The following BICRA variants were observed in gnomAD, a reference collection of about 807,000 sequenced individuals.
BICRA encodes BRD4-interacting chromatin-remodeling complex-associated protein.
Under a neutral mutation model 96.9 loss-of-function variants are expected in BICRA, and 31 were observed. The observed-to-expected ratio is 0.32, with a 90% confidence interval of 0.24 to 0.43. BICRA has a LOEUF of 0.43. BICRA is among the 20% of genes least tolerant of loss of function. The pLI is 1.00. For missense variants in BICRA, 2,283 were observed against 2,190.3 expected, an observed-to-expected ratio of 1.04 and a Z score of -0.84; for synonymous variants, 1,350 against 1,071.8, an observed-to-expected ratio of 1.26 and a Z score of -5.07.
chr19:47,692,449 C>T (rs150144404), intron 7 of BICRA, among the ~76,000 whole-genome samples: 26 of 152,168 alleles, frequency 1.7e-4, no homozygotes, highest in African/African-American at 4.8e-4. Context: ...AGGCTGGTCT[C>T]GAACTCCTGA....
chr19:47,630,869 G>C (rs568980782), intron 1 of BICRA, among the ~76,000 whole-genome samples: 13 of 152,252 alleles, frequency 8.5e-5, no homozygotes, highest in Non-Finnish European at 1.2e-4. Context: ...TGCAGTGCAC[G>C]TGGTTCCAGT....
chr19:47,701,882 C>T lies in BICRA; in HGVS notation c.4150C>T (p.Arg1384Cys), dbSNP rs1173345186. 18 of 1,468,394 alleles carry T rather than the reference C, an allele frequency of 1.2e-5. 1 individual carries two copies. The Middle Eastern group carries it at 5.8e-4, about 47-fold the overall frequency. The allele number at this position is 1,468,394 out of a possible 1,614,324, so 91.0% of individuals were successfully genotyped here. A position where few individuals can be genotyped will look rare whatever the true frequency, so the allele number is the denominator to read the frequency against. The change falls in exon 15 of 15, where the codon CGC becomes TGC. Residue 1384 changes from arginine to cysteine, a missense_variant. Coordinates refer to ENST00000594866, the MANE Select transcript of BICRA (RefSeq NM_001394372.1). This position sits in a 1 kb window ranked among gnomAD's most constrained non-coding sequence, Gnocchi z 5.4. ...CCTGGGCACCGCCCCGCACTGCCCG[C>T]GCCTGCCACTGCGCAAGACCTACCG... ...KPLGTAPHCP[R>C]LPLRKTYREN... is the part of the protein sequence containing the mutation.
At chr19:47,666,568 C>G (rs182481448) in intron 1 of BICRA, among the ~76,000 whole-genome samples, 71 of 151,188 alleles carry the variant, frequency 4.7e-4, no homozygotes, top group Non-Finnish European at 7.2e-4. Context: ...TGAGCCACCA[C>G]GCCCGGCCTT....
Position 47,696,446 on chromosome 19 carries a change from C to A in BICRA, c.3187-5C>A. ...AAGGCCTCTCACTCGCCTTTCTTCT[C>A]CCAGTATGAGAGCAAACTGAGTGGC... On this transcript the variant is annotated splice_region_variant and splice_polypyrimidine_tract_variant and intron_variant, in intron 10 of 14. Coordinates refer to ENST00000594866, the MANE Select transcript of BICRA (RefSeq NM_001394372.1). 1 of 1,593,510 alleles carries A rather than the reference C, an allele frequency of 6.3e-7. No homozygotes were observed. The highest frequency in any genetic ancestry group is 1.1e-5 in the South Asian group (1 of 87,496).
At chr19:47,636,472 G>A (rs938296941) in intron 1 of BICRA, among the ~76,000 whole-genome samples, 1 of 152,108 alleles carries the variant, frequency 6.6e-6, no homozygotes, top group African/African-American at 2.4e-5. Flanking sequence ...GCCTCCCAAG[G>A]TGGTACTGGG....
chr19:47,672,092 G>T, intron 2 of BICRA, among the ~76,000 whole-genome samples: 1 of 141,460 alleles, frequency 7.1e-6, no homozygotes, highest in East Asian at 2.3e-4. Flanking sequence ...TGGAGGGATC[G>T]GTAGGTAGAT....
rs188975984 is a variant in BICRA, at chr19:47,689,074, G to A, written c.2284-5041G>A. On this transcript the variant is annotated intron_variant, in intron 7 of 14. Coordinates refer to ENST00000594866, the MANE Select transcript of BICRA (RefSeq NM_001394372.1). ...ACTCCTGACCTCAAGTGATCCACCC[G>A]CCTTGGCATCCCAAAGTGCTGGGAT... 2.4e-4 allele frequency among the ~76,000 whole-genome samples: 37 copies of A among 152,050 alleles called. 1 individual carries two copies. The East Asian group carries it at 5.3e-3, about 22-fold the overall frequency.
intron 1 of BICRA, among the ~76,000 whole-genome samples, chr19:47,610,361 G>T (rs914325313): frequency 6.6e-6 from 1 of 152,224 alleles, no homozygotes; most frequent in Admixed American, 6.5e-5. Context: ...AAGGAGCCGC[G>T]GGAGAGCTAG....
chr19:47,619,023 C>T (rs1972023436), intron 1 of BICRA, among the ~76,000 whole-genome samples: 1 of 152,166 alleles, frequency 6.6e-6, no homozygotes, highest in Admixed American at 6.5e-5. Context: ...TCATTGACCT[C>T]AGACACTTGG....
Position 47,671,521 on chromosome 19 carries a change from C to T in BICRA, c.-6+977C>T, listed in dbSNP as rs377359352. Among the ~76,000 whole-genome samples the T allele has an allele frequency of 1.8e-4, 28 of 151,902 alleles. 1 individual carries two copies. In the East Asian group the frequency reaches 2.9e-3, roughly 16 times the overall value. ...TATTGTATGTGTCATTGGGAGGAGA[C>T]GGGAGCAGAGGGTGCAGGAAGTAAT... On this transcript the variant is annotated intron_variant, in intron 2 of 14. Coordinates refer to ENST00000594866, the MANE Select transcript of BICRA (RefSeq NM_001394372.1).
chr19:47,686,389 G>C (rs536194942), intron 7 of BICRA, among the ~76,000 whole-genome samples: 228 of 151,474 alleles, frequency 1.5e-3, no homozygotes, highest in Middle Eastern at 3.4e-3. Flanking sequence ...GTTTTTTCTG[G>C]GGTTAGCGGG....
chr19:47,617,835 T>A (rs1483478846), intron 1 of BICRA, among the ~76,000 whole-genome samples: 1 of 152,112 alleles, frequency 6.6e-6, no homozygotes, highest in East Asian at 1.9e-4. Flanking sequence ...TGCCAAGGTA[T>A]TTTAAAGCAA....
At chr19:47,647,865 G>A (rs185989147) in intron 1 of BICRA, among the ~76,000 whole-genome samples, 1 of 150,958 alleles carries the variant, frequency 6.6e-6, no homozygotes, top group African/African-American at 2.4e-5. Context: ...TTGGGCTTGA[G>A]TGTCTAGATA....
intron 1 of BICRA, among the ~76,000 whole-genome samples, chr19:47,631,660 C>T (rs888964629): frequency 2.6e-5 from 4 of 152,066 alleles, no homozygotes; most frequent in African/African-American, 4.8e-5. Flanking sequence ...CCACCGCACT[C>T]GGCCGATTTA....
At chr19:47,643,458 G>T (rs1176255187) in intron 1 of BICRA, among the ~76,000 whole-genome samples, 2 of 152,140 alleles carry the variant, frequency 1.3e-5, no homozygotes, top group Admixed American at 6.5e-5. Flanking sequence ...CTGTCACCTG[G>T]GACACTGGCA....
At chr19:47,665,729 A>G (rs575480557) in intron 1 of BICRA, among the ~76,000 whole-genome samples, 2 of 152,276 alleles carry the variant, frequency 1.3e-5, no homozygotes, top group African/African-American at 4.8e-5. Context: ...TGGCCTGGTG[A>G]GGGTGCACAC....
At chr19:47,678,324 C>G (rs1409266435) in intron 5 of BICRA, among the ~76,000 whole-genome samples, 4 of 152,168 alleles carry the variant, frequency 2.6e-5, no homozygotes, top group Non-Finnish European at 5.9e-5. Context: ...CCATGTTGGT[C>G]AGGCAGGTCT....
At chr19:47,689,263 GA>G (rs1234828371) in intron 7 of BICRA, among the ~76,000 whole-genome samples, 4 of 152,056 alleles carry the variant, frequency 2.6e-5, no homozygotes, top group Non-Finnish European at 4.4e-5. Flanking sequence ...ATGATCATCA[GA>G]AAGTTTTTTT....
chr19:47,696,428 C>G, intron 10 of BICRA, 23 bp from the exon 11 acceptor site: 1 of 1,575,280 alleles, frequency 6.3e-7, no homozygotes, highest in South Asian at 1.2e-5. Context: ...GCAAAGGCCT[C>G]TCACTCGCCT....
Sources: allele counts gnomAD v4.1 joint callset (sites outside exome capture counted in the v4.1 genomes callset), GRCh38; gene constraint gnomAD v4.1.1; non-coding constraint Gnocchi (gnomAD v3.1); transcripts MANE v1.5; gene names NCBI Gene and HGNC (gene_info 2026-07-23, HGNC 2026-07-21).